The following ZNF385C variants were observed in gnomAD, a reference collection of about 807,000 sequenced individuals.
ZNF385C encodes the protein zinc finger protein 385C.
A neutral mutation model predicts 35.4 loss-of-function variants in ZNF385C; 28 were observed. That is an observed-to-expected ratio of 0.79 (90% CI 0.59 to 1.08). ZNF385C has a LOEUF of 1.08. Among genes scored for constraint, ZNF385C ranks in the 50% least tolerant of loss-of-function variants. The pLI is 0.00. For synonymous variants in ZNF385C, 248 were observed against 248.2 expected (o/e 1.00, Z 0.01); for missense variants, 605 against 595.6 (o/e 1.02, Z -0.16).
In ZNF385C at chr17:42,062,863, C is replaced by T. The variant is rs1291428948; in HGVS notation, c.194G>A (p.Arg65Gln). Residue 65 changes from arginine (R) to glutamine (Q), a missense_variant, in exon 2 of 9, where the codon CGG (arginine) becomes CAG (glutamine). Physicochemically the swap from Arg to Gln is conservative, Grantham distance 43. Coordinates refer to ENST00000692273, the MANE Select transcript of ZNF385C (RefSeq NM_001392013.1). The stretch of plus-strand genomic sequence containing the variant: ...CTGCCGAAGCCGCCTCTGGTGGGCC[C>T]GCCCCCCACAGTGCACCTGGGCCTG... ...AAQAQVHCGG[R>Q]AHQRRLRQLS... 3.1e-5 allele frequency: 20 copies of T among 647,478 alleles called. No individual in the cohort carries two copies. Among genetic ancestry groups the T allele is most frequent in the Middle Eastern group, 2.4e-4 (1 of 4,112 alleles). The allele number at this position is 647,478 out of a possible 1,614,324, so 40.1% of individuals were successfully genotyped here.
intron 1 of ZNF385C, among the ~76,000 whole-genome samples, chr17:42,085,528 T>A (rs530809371): frequency 6.6e-6 from 1 of 151,024 alleles, no homozygotes; most frequent in South Asian, 2.1e-4. Flanking sequence ...TCAGGCAATC[T>A]GCCCGCCTCA....
intron 2 of ZNF385C, among the ~76,000 whole-genome samples, chr17:42,057,429 T>G (rs1219961631): frequency 6.6e-6 from 1 of 152,060 alleles, no homozygotes; most frequent in Admixed American, 6.5e-5. Flanking sequence ...CAGAGGTTAG[T>G]GCGAGGGGAC....
intron 1 of ZNF385C, among the ~76,000 whole-genome samples, chr17:42,089,276 A>G (rs1555660318): frequency 6.6e-6 from 1 of 152,038 alleles, no homozygotes; most frequent in East Asian, 1.9e-4. Context: ...TGATCACACC[A>G]CCACACTCCA....
At position 42,037,364 on chromosome 17, in the gene ZNF385C, A is replaced by T. The variant is rs1455183914; in HGVS notation, c.399+373T>A. ...ATACAAAACCTATAGAAACTACAAC[A>T]AAAAGGCACAGGTTACACACACACA... On this transcript the variant is annotated intron_variant, in intron 3 of 8. Transcript: ENST00000692273. Among the ~76,000 whole-genome samples the T allele has an allele frequency of 2.8e-5, 4 of 144,978 alleles. No homozygotes were observed. In the East Asian group the frequency reaches 8.2e-4, roughly 30 times the overall value.
intron 1 of ZNF385C, among the ~76,000 whole-genome samples, chr17:42,089,892 G>T (rs2053846994): frequency 6.6e-6 from 1 of 152,238 alleles, no homozygotes; most frequent in Admixed American, 6.5e-5. Flanking sequence ...AAAGAATTAA[G>T]TTGGATGAAT....
At chr17:42,053,029 T>A (rs1555657255) in intron 2 of ZNF385C, among the ~76,000 whole-genome samples, 1 of 151,914 alleles carries the variant, frequency 6.6e-6, no homozygotes. Context: ...GAGTGAGAGG[T>A]TGAGCCAAGA....
At chr17:42,030,230 C>G (rs1206479985) in intron 5 of ZNF385C, among the ~76,000 whole-genome samples, 1 of 152,154 alleles carries the variant, frequency 6.6e-6, no homozygotes, top group Non-Finnish European at 1.5e-5. Context: ...TGGCTCACGC[C>G]TGTAATCCCA....
chr17:42,048,008 CTT>C (rs1555656793), intron 2 of ZNF385C, among the ~76,000 whole-genome samples: 1 of 152,074 alleles, frequency 6.6e-6, no homozygotes, highest in African/African-American at 2.4e-5. Flanking sequence ...TTGGAATCCT[CTT>C]TTCTCTTGGC....
intron 2 of ZNF385C, chr17:42,038,753 A>C (rs934755854): frequency 2.1e-4 from 32 of 152,376 alleles, no homozygotes; most frequent in African/African-American, 7.7e-4. Flanking sequence ...TTATGTCTAT[A>C]TACACAGTTA....
chr17:42,089,767 A>T (rs1407996491), intron 1 of ZNF385C, among the ~76,000 whole-genome samples: 1 of 152,236 alleles, frequency 6.6e-6, no homozygotes, highest in African/African-American at 2.4e-5. Flanking sequence ...CAATCTCAGC[A>T]GCAGAATGTG....
At chr17:42,028,701 G>A (rs1297936900) in intron 6 of ZNF385C, 82 bp downstream of exon 6, 3 of 1,468,018 alleles carry the variant, frequency 2.0e-6, no homozygotes, top group Admixed American at 4.6e-5. Context: ...GAAGCACCCA[G>A]GAACTCAAGC....
intron 1 of ZNF385C, among the ~76,000 whole-genome samples, chr17:42,064,290 T>C (rs1167568572): frequency 1.3e-5 from 2 of 152,228 alleles, no homozygotes; most frequent in Non-Finnish European, 2.9e-5. Flanking sequence ...GAAATCTGCG[T>C]GCATGCTTCC....
chr17:42,028,032 C>T lies in ZNF385C; in HGVS notation c.1164+18G>A. On this transcript the variant is annotated intron_variant, in intron 7 of 8. Transcript: ENST00000692273. ...CCTCCCCTGGCTCCAACCCCAGTCA[C>T]AGCCTCACTTCTCCCACCTGCTTCA... 1 of 1,610,898 alleles carries T rather than the reference C, an allele frequency of 6.2e-7. No individual in the cohort carries two copies. Among genetic ancestry groups the T allele is most frequent in the African/African-American group, 1.3e-5 (1 of 74,974 alleles).
At chr17:42,044,511 G>A (rs1163895984) in intron 2 of ZNF385C, among the ~76,000 whole-genome samples, 1 of 151,862 alleles carries the variant, frequency 6.6e-6, no homozygotes, top group African/African-American at 2.4e-5. Context: ...AGCTACTCGG[G>A]AGGCTGAGGC....
chr17:42,038,096 G>C, intron 2 of ZNF385C: 1 of 1,530,798 alleles, frequency 6.5e-7, no homozygotes, highest in Admixed American at 2.0e-5. Flanking sequence ...GGAGTCCACA[G>C]TTGAGGCTCC....
Position 42,037,194 on chromosome 17 carries a change from G to A in ZNF385C, c.399+543C>T, listed in dbSNP as rs549876363. 5.9e-5 allele frequency among the ~76,000 whole-genome samples: 9 copies of A among 152,078 alleles called. No individual in the cohort carries two copies. The East Asian group carries it at 7.7e-4, about 13-fold the overall frequency. On this transcript the variant is annotated intron_variant, in intron 3 of 8. Coordinates refer to ENST00000692273, the MANE Select transcript of ZNF385C (RefSeq NM_001392013.1). ...ACGCATGCTCAGAGGGCAGATACAC[G>A]CCAAACACACAAAAGACACAAGGAC...
At chr17:42,066,185 G>C (rs1235220554) in intron 1 of ZNF385C, among the ~76,000 whole-genome samples, 1 of 152,000 alleles carries the variant, frequency 6.6e-6, no homozygotes, top group African/African-American at 2.4e-5. Flanking sequence ...TCAGCCTCCC[G>C]AGTAGCTGGG....
chr17:42,094,104 C>A (rs1555660794), intron 1 of ZNF385C, among the ~76,000 whole-genome samples: 2 of 151,942 alleles, frequency 1.3e-5, no homozygotes, highest in Admixed American at 6.6e-5. Flanking sequence ...CCACCTCAAT[C>A]TCCCAAGTAG....
rs1451962716 is a variant in ZNF385C, at chr17:42,039,815, C to A, written c.251-1930G>T. 7.3e-6 allele frequency: 9 copies of A among 1,232,146 alleles called. No individual in the cohort carries two copies. The African/African-American group carries it at 1.4e-4, about 19-fold the overall frequency. 76.3% of individuals were successfully genotyped at this position (1,232,146 alleles called of 1,614,324 possible). On this transcript the variant is annotated intron_variant, in intron 2 of 8. Coordinates refer to ENST00000692273, the MANE Select transcript of ZNF385C (RefSeq NM_001392013.1). ...GGGGGCCCATCCACTGCGATCTTCACCATGTGGCCCCCCCGGCCTTCCCCG... is the reference window on the plus strand; with the variant it reads ...GGGGGCCCATCCACTGCGATCTTCAACATGTGGCCCCCCCGGCCTTCCCCG...
Sources: gnomAD v4.1 joint callset for allele counts (sites outside exome capture counted in the v4.1 genomes callset) on GRCh38, gnomAD v4.1.1 for gene constraint, MANE v1.5 for transcripts, NCBI Gene and HGNC (gene_info 2026-07-23, HGNC 2026-07-21) for gene names.